Variants in TSHR observed in about 807,000 individuals in gnomAD.
TSHR encodes thyrotropin receptor.
In TSHR, 51 loss-of-function variants were observed where a neutral mutation model predicts 64.1. That is an observed-to-expected ratio of 0.80 (90% CI 0.64 to 1.01). The LOEUF (loss-of-function observed/expected upper bound fraction) is 1.01, where lower values mean the gene tolerates loss of function less well. Ranked by LOEUF, TSHR falls within the 50% of genes least tolerant of loss-of-function variation. TSHR has a pLI of 0.00. For synonymous variants in TSHR, 361 were observed against 361.9 expected (o/e 1.00, Z 0.03); for missense variants, 877 against 942.8 (o/e 0.93, Z 0.91).
intron 1 of TSHR, among the ~76,000 whole-genome samples, chr14:80,956,629 G>T (rs1459749441): frequency 6.6e-6 from 1 of 152,010 alleles, no homozygotes; most frequent in Non-Finnish European, 1.5e-5. Flanking sequence ...GTTAAAAAGA[G>T]AACAGAAAGA....
rs1888287425 is a variant in TSHR, at chr14:80,983,613, G to GGGCA, written c.170+27763_170+27764insGGCA. 9.5e-6 allele frequency: 9 copies of GGGCA among 946,188 alleles called. No homozygotes were observed. The African/African-American group carries it at 1.3e-4, about 14-fold the overall frequency. The allele number at this position is 946,188 out of a possible 1,614,324, so 58.6% of individuals were successfully genotyped here. A position where few individuals can be genotyped will look rare whatever the true frequency, so the allele number is the denominator to read the frequency against. ...TACACTCATGGGCATTCTCAGGGAAGTTAAAGGGATTATTGAAGCAATGTA... is the reference window on the plus strand; with the variant it reads ...TACACTCATGGGCATTCTCAGGGAAGGGCATTAAAGGGATTATTGAAGCAATGTA... On this transcript the variant is annotated intron_variant, in intron 1 of 9. Coordinates refer to ENST00000298171, the MANE Select transcript of TSHR (RefSeq NM_000369.5).
chr14:81,128,436 T>G (rs1417732975), intron 8 of TSHR, among the ~76,000 whole-genome samples: 1 of 152,228 alleles, frequency 6.6e-6, no homozygotes, highest in African/African-American at 2.4e-5. Context: ...GGTCAACCCC[T>G]TTTATGTAAG....
intron 8 of TSHR, among the ~76,000 whole-genome samples, chr14:81,135,911 T>G (rs2140096050): frequency 6.6e-6 from 1 of 152,362 alleles, no homozygotes; most frequent in African/African-American, 2.4e-5. Context: ...TCCCCCTGCT[T>G]GACCCTGAAA....
At chr14:80,985,215 A>C (rs1045106188) in intron 1 of TSHR, among the ~76,000 whole-genome samples, 3 of 152,220 alleles carry the variant, frequency 2.0e-5, no homozygotes, top group Non-Finnish European at 2.9e-5. Context: ...GCGCCACTGC[A>C]CTCCAGCCTG....
At chr14:80,978,597 T>C (rs1888012571) in intron 1 of TSHR, among the ~76,000 whole-genome samples, 1 of 152,204 alleles carries the variant, frequency 6.6e-6, no homozygotes, top group Non-Finnish European at 1.5e-5. Flanking sequence ...ACTGCCATGC[T>C]CAGCCCTGGG....
intron 8 of TSHR, among the ~76,000 whole-genome samples, chr14:81,130,006 C>T (rs1057181376): frequency 2.0e-5 from 3 of 152,164 alleles, no homozygotes; most frequent in Non-Finnish European, 2.9e-5. Flanking sequence ...TAAAAGACAT[C>T]AGTTGAATGC....
Position 81,036,166 on chromosome 14 carries a change from G to T in TSHR, c.171-25982G>T, listed in dbSNP as rs533862822. On this transcript the variant is annotated intron_variant, in intron 1 of 9. Coordinates refer to ENST00000298171, the MANE Select transcript of TSHR (RefSeq NM_000369.5). ...CAAAGATGAAGAGAGACACAGAAAG[G>T]TTACTTAAAAAAACAACAGTTAAAA... Among the ~76,000 whole-genome samples, 12 of 152,186 alleles carry T rather than the reference G, an allele frequency of 7.9e-5. 1 individual carries two copies. In the South Asian group the frequency reaches 2.3e-3, roughly 29 times the overall value.
intron 3 of TSHR, chr14:81,078,941 G>C (rs896096798): frequency 6.6e-6 from 1 of 152,174 alleles, no homozygotes; most frequent in African/African-American, 2.4e-5. Context: ...AAAATTGTGA[G>C]CTATAATAAA....
At chr14:81,121,228 TG>T (rs1186387278) in intron 8 of TSHR, among the ~76,000 whole-genome samples, 1 of 150,936 alleles carries the variant, frequency 6.6e-6, no homozygotes, top group Non-Finnish European at 1.5e-5. Context: ...ATGAAATCAA[TG>T]GGATAAAAAT....
intron 8 of TSHR, among the ~76,000 whole-genome samples, chr14:81,113,630 A>C (rs1890330892): frequency 6.6e-6 from 1 of 152,192 alleles, no homozygotes; most frequent in Non-Finnish European, 1.5e-5. Context: ...AAATACATTA[A>C]AAAGCATGTA....
chr14:81,144,443 A>G lies in TSHR; in HGVS notation c.*90A>G, dbSNP rs1399829368. On this transcript the variant is annotated 3_prime_UTR_variant, in exon 10 of 10. Transcript: ENST00000298171. ...TCCAATCCCATGACACCCCCAACAC[A>G]TAGCTGCCCTCACTCTTGTGCAGGC... is the stretch of plus-strand genomic sequence containing the variant. 5 of 1,289,424 alleles carry G rather than the reference A, an allele frequency of 3.9e-6. No individual in the cohort carries two copies. The highest frequency in any genetic ancestry group is 2.0e-4 in the Middle Eastern group (1 of 4,906). The allele number at this position is 1,289,424 out of a possible 1,614,324, so 79.9% of individuals were successfully genotyped here.
rs59335309 is a variant in TSHR, at chr14:81,123,475, G to C, written c.692+15023G>C. 5.6e-3 allele frequency among the ~76,000 whole-genome samples: 848 copies of C among 152,254 alleles called. 6 individuals are homozygous for C. Among genetic ancestry groups the C allele is most frequent in the African/African-American group, 0.019 (808 of 41,542 alleles). ...ATAACCTTCCTGTATCAAAACAGAA[G>C]ACAGAAAGTGCTCAATAAATATTGG... On this transcript the variant is annotated intron_variant, in intron 8 of 9. Coordinates refer to ENST00000298171, the MANE Select transcript of TSHR (RefSeq NM_000369.5).
At chr14:81,029,519 G>A (rs1385880625) in intron 1 of TSHR, among the ~76,000 whole-genome samples, 1 of 152,014 alleles carries the variant, frequency 6.6e-6, no homozygotes, top group African/African-American at 2.4e-5. Flanking sequence ...ATTTATGATG[G>A]AGAGAAAATA....
chr14:81,069,462 T>C (rs1886903088), intron 3 of TSHR, among the ~76,000 whole-genome samples: 1 of 152,180 alleles, frequency 6.6e-6, no homozygotes, highest in Non-Finnish European at 1.5e-5. Context: ...TTTGAAAGTA[T>C]TAGAGTGTTA....
intron 1 of TSHR, chr14:81,053,056 C>G (rs1199754138): frequency 6.6e-6 from 1 of 151,942 alleles, no homozygotes; most frequent in Non-Finnish European, 1.5e-5. Flanking sequence ...CCCAGGAGAG[C>G]CAAAGGTATA....
chr14:81,092,675 C>T, intron 6 of TSHR, 67 bp downstream of exon 6: 1 of 1,456,562 alleles, frequency 6.9e-7, no homozygotes, highest in East Asian at 2.3e-5. Context: ...CATATGTTTA[C>T]AGACCATCCA....
intron 3 of TSHR, among the ~76,000 whole-genome samples, chr14:81,077,331 T>C (rs1887576429): frequency 6.6e-6 from 1 of 152,222 alleles, no homozygotes; most frequent in Non-Finnish European, 1.5e-5. Flanking sequence ...ATTTTAAAAA[T>C]AATGGATTGG....
intron 6 of TSHR, among the ~76,000 whole-genome samples, chr14:81,094,592 A>C (rs1467773710): frequency 6.6e-6 from 1 of 152,020 alleles, no homozygotes; most frequent in Non-Finnish European, 1.5e-5. Context: ...AATGACAACA[A>C]AGCCACGAGA....
intron 8 of TSHR, among the ~76,000 whole-genome samples, chr14:81,111,038 A>G (rs1890202554): frequency 6.6e-6 from 1 of 152,230 alleles, no homozygotes; most frequent in Non-Finnish European, 1.5e-5. Context: ...TAGTATTACA[A>G]AAATACATGT....
Sources: allele counts gnomAD v4.1 joint callset (sites outside exome capture counted in the v4.1 genomes callset), GRCh38; gene constraint gnomAD v4.1.1; transcripts MANE v1.5; gene names NCBI Gene and HGNC (gene_info 2026-07-23, HGNC 2026-07-21).